The following SH3RF3 variants were observed in gnomAD, a reference collection of about 807,000 sequenced individuals.
SH3RF3 encodes SH3 domain containing ring finger 3.
In SH3RF3, 29 loss-of-function variants were observed where a neutral mutation model predicts 66.3. The observed-to-expected ratio is 0.44, with a 90% CI of 0.33 to 0.60. The LOEUF (loss-of-function observed/expected upper bound fraction) is 0.60. Among genes scored for constraint, SH3RF3 ranks in the 20% least tolerant of loss-of-function variants. SH3RF3 has a pLI of 0.04. For missense variants in SH3RF3, 1,194 were observed against 1,190.9 expected (o/e 1.00, Z -0.04); for synonymous variants, 583 against 532.0 (o/e 1.10, Z -1.32).
In SH3RF3 at chr2:109,501,825, T is replaced by G; in HGVS notation, c.*154T>G. On this transcript the variant is annotated 3_prime_UTR_variant, in exon 10 of 10. Coordinates refer to ENST00000309415, the MANE Select transcript of SH3RF3 (RefSeq NM_001099289.3). ...CTGGCCCAGGGTGGGGGCCAGGGAC[T>G]GTGGAGGTCGTGCCTTCTCCCAAAA... 1.7e-6 allele frequency: 1 copy of G among 597,072 alleles called. No individual in the cohort carries two copies. Among genetic ancestry groups the G allele is most frequent in the East Asian group, 2.8e-5 (1 of 36,326 alleles). The allele number at this position is 597,072 out of a possible 1,614,324, so 37.0% of individuals were successfully genotyped here.
intron 2 of SH3RF3, among the ~76,000 whole-genome samples, chr2:109,369,574 G>T (rs1262979665): frequency 6.6e-6 from 1 of 152,188 alleles, no homozygotes. Flanking sequence ...TGAAGCTGGG[G>T]GTTGGGGGAG....
chr2:109,320,482 A>T (rs1306571971), intron 1 of SH3RF3, among the ~76,000 whole-genome samples: 1 of 152,162 alleles, frequency 6.6e-6, no homozygotes, highest in Non-Finnish European at 1.5e-5. Context: ...CGTCTTCTTA[A>T]CCAAGGCCAG....
At chr2:109,257,683 A>G (rs1483805396) in intron 1 of SH3RF3, among the ~76,000 whole-genome samples, 1 of 152,074 alleles carries the variant, frequency 6.6e-6, no homozygotes, top group East Asian at 1.9e-4. Flanking sequence ...AGCCACTGAC[A>G]CGTTCATTAC....
intron 3 of SH3RF3, among the ~76,000 whole-genome samples, chr2:109,382,655 A>G (rs571037711): frequency 2.6e-5 from 4 of 152,320 alleles, no homozygotes; most frequent in African/African-American, 9.6e-5. Flanking sequence ...CTTCTGGTGC[A>G]TTCTAACATC....
At chr2:109,369,206 G>A (rs898041736) in intron 2 of SH3RF3, among the ~76,000 whole-genome samples, 1 of 151,648 alleles carries the variant, frequency 6.6e-6, no homozygotes, top group African/African-American at 2.4e-5. Context: ...AAATTAGCCG[G>A]GAGTGGTGGT....
intron 8 of SH3RF3, among the ~76,000 whole-genome samples, chr2:109,470,958 G>A (rs1475423395): frequency 1.3e-5 from 2 of 152,124 alleles, no homozygotes; most frequent in South Asian, 2.1e-4. Flanking sequence ...GGTGGCTCAC[G>A]CCTGTAATCC....
intron 1 of SH3RF3, among the ~76,000 whole-genome samples, chr2:109,180,254 C>T (rs956426912): frequency 1.3e-5 from 2 of 152,184 alleles, no homozygotes; most frequent in African/African-American, 4.8e-5. Context: ...GGCCTCCTTC[C>T]TTTGCCCACA....
In SH3RF3 at chr2:109,398,758, G is replaced by T; in HGVS notation, c.1114G>T (p.Gly372Cys). Residue 372 changes from glycine (G) to cysteine (C), a missense_variant, in exon 4 of 10, where the codon GGC (glycine) becomes TGC (cysteine). By Grantham distance (159) the Gly-to-Cys change is radical. Coordinates refer to ENST00000309415, the MANE Select transcript of SH3RF3 (RefSeq NM_001099289.3). ...CAGTGCCTTTCAGCGGCGTGTGGATGGCAAGAAGAACACCAAGAAACGCCA... is the reference window on the plus strand; with the variant it reads ...CAGTGCCTTTCAGCGGCGTGTGGATTGCAAGAAGAACACCAAGAAACGCCA... ...AVSAFQRRVD[G>C]KKNTKKRHSF... 1 of 1,613,658 alleles carries T rather than the reference G, an allele frequency of 6.2e-7. No homozygotes were observed. The highest frequency in any genetic ancestry group is 1.1e-5 in the South Asian group (1 of 90,976).
intron 1 of SH3RF3, among the ~76,000 whole-genome samples, chr2:109,303,412 T>C (rs1296213492): frequency 1.3e-5 from 2 of 152,248 alleles, no homozygotes; most frequent in Non-Finnish European, 1.5e-5. Flanking sequence ...GCTCACACTA[T>C]ATTTTTAATG....
chr2:109,380,126 C>T (rs556350608), intron 3 of SH3RF3, among the ~76,000 whole-genome samples: 2 of 152,266 alleles, frequency 1.3e-5, no homozygotes, highest in South Asian at 4.2e-4. Context: ...AAGGCGTGAT[C>T]CACACATACA....
chr2:109,347,030 G>C lies in SH3RF3; in HGVS notation c.574-644G>C, dbSNP rs373458451. 6.5e-4 allele frequency among the ~76,000 whole-genome samples: 99 copies of C among 152,238 alleles called. 1 individual carries two copies. The highest frequency in any genetic ancestry group is 2.1e-4 in the Non-Finnish European group (14 of 68,012). On this transcript the variant is annotated intron_variant, in intron 1 of 9. Transcript: ENST00000309415. ...TTGTCATCATCCTCGTGTGTGTACC[G>C]CTGGCCATGAGTCCTCTGAGTGGAA...
intron 1 of SH3RF3, among the ~76,000 whole-genome samples, chr2:109,140,380 TCTTGC>T (rs1213447999): frequency 7.2e-5 from 11 of 152,090 alleles, no homozygotes; most frequent in African/African-American, 2.7e-4. Context: ...TTCAGAAATT[TCTTGC>T]CTTTTTTTTT....
chr2:109,395,522 C>T (rs1019537241), intron 3 of SH3RF3, among the ~76,000 whole-genome samples: 18 of 152,294 alleles, frequency 1.2e-4, no homozygotes, highest in African/African-American at 4.1e-4. Flanking sequence ...CTTACTTCTC[C>T]TGCCGTCTGT....
At chr2:109,474,614 G>T (rs1012058171) in intron 8 of SH3RF3, among the ~76,000 whole-genome samples, 2 of 152,208 alleles carry the variant, frequency 1.3e-5, no homozygotes, top group East Asian at 1.9e-4. Context: ...TTGGGCAGGG[G>T]GGGAGAACGC....
intron 1 of SH3RF3, among the ~76,000 whole-genome samples, chr2:109,302,075 CT>C (rs1300935576): frequency 6.6e-6 from 1 of 152,186 alleles, no homozygotes; most frequent in Non-Finnish European, 1.5e-5. Flanking sequence ...ATTCTGCCCA[CT>C]GTGTCTTCTC....
At chr2:109,388,562 G>T (rs1675890816) in intron 3 of SH3RF3, among the ~76,000 whole-genome samples, 1 of 152,232 alleles carries the variant, frequency 6.6e-6, no homozygotes, top group South Asian at 2.1e-4. Context: ...GAAGTGCTGA[G>T]CAGTGTTTAG....
chr2:109,306,072 T>A (rs1681590041), intron 1 of SH3RF3, among the ~76,000 whole-genome samples: 1 of 152,232 alleles, frequency 6.6e-6, no homozygotes, highest in Non-Finnish European at 1.5e-5. Flanking sequence ...CAGTGGGATG[T>A]GCTTGGGATA....
chr2:109,336,715 C>A lies in SH3RF3; in HGVS notation c.574-10959C>A, dbSNP rs1574581184. ...GTTTACCTTAAGTCTGTAAAAGCAA[C>A]TGCAACATCCAATTTTGTGGAGATT... On this transcript the variant is annotated intron_variant, in intron 1 of 9. Transcript: ENST00000309415. 2.0e-5 allele frequency among the ~76,000 whole-genome samples: 3 copies of A among 152,356 alleles called. No individual in the cohort carries two copies. The South Asian group carries it at 6.2e-4, about 32-fold the overall frequency.
intron 1 of SH3RF3, among the ~76,000 whole-genome samples, chr2:109,133,143 A>G (rs1020176851): frequency 2.0e-5 from 3 of 152,244 alleles, no homozygotes; most frequent in Admixed American, 2.0e-4. Context: ...ACCCGTGGGC[A>G]CTGACCGGTG....
Sources: allele counts gnomAD v4.1 joint callset (sites outside exome capture counted in the v4.1 genomes callset), GRCh38; gene constraint gnomAD v4.1.1; transcripts MANE v1.5; gene names NCBI Gene and HGNC (gene_info 2026-07-23, HGNC 2026-07-21).